The following PCSK5 variants were observed in gnomAD, a reference collection of about 807,000 sequenced individuals.
PCSK5 encodes the protein prohormone convertase 5.
PCSK5 carries 129 observed loss-of-function variants against 233.2 expected under a neutral mutation model. The ratio of observed to expected loss-of-function variants is 0.55; its 90% CI spans 0.48 to 0.64. The LOEUF is 0.64. PCSK5 is among the 30% of genes least tolerant of loss of function. The probability of loss-of-function intolerance (pLI) is 0.00; values close to 1 mark genes in which losing one functional copy is unlikely to be tolerated. For synonymous variants in PCSK5, 825 were observed against 879.2 expected (o/e 0.94, Z 1.09); for missense variants, 2,076 against 2,430.1 (o/e 0.85, Z 3.06).
At chr9:76,153,826 T>C (rs377464105) in intron 10 of PCSK5, among the ~76,000 whole-genome samples, 1 of 152,194 alleles carries the variant, frequency 6.6e-6, no homozygotes, top group Non-Finnish European at 1.5e-5. Context: ...TTCACAAATA[T>C]TTATGAAAGC....
At chr9:76,212,366 G>T (rs1356429437) in intron 20 of PCSK5, among the ~76,000 whole-genome samples, 1 of 152,208 alleles carries the variant, frequency 6.6e-6, no homozygotes, top group Non-Finnish European at 1.5e-5. Context: ...TATAGCAGGA[G>T]AGATAACAAG....
intron 2 of PCSK5, among the ~76,000 whole-genome samples, chr9:75,983,397 A>ATAAC (rs1342442383): frequency 6.6e-6 from 1 of 152,188 alleles, no homozygotes; most frequent in Non-Finnish European, 1.5e-5. Context: ...CAGGCTTCCC[A>ATAAC]TAACTGTCAA....
intron 1 of PCSK5, among the ~76,000 whole-genome samples, chr9:75,908,941 G>GTCTATCTA (rs58082978): frequency 0.052 from 6,053 of 116,388 alleles, 179 homozygotes; most frequent in Middle Eastern, 0.073. Flanking sequence ...CTCTCTCTCT[G>GTCTATCTA]TCTATCTATC....
intron 3 of PCSK5, among the ~76,000 whole-genome samples, chr9:75,998,668 GT>G (rs780957821): frequency 4.6e-5 from 7 of 152,112 alleles, no homozygotes; most frequent in Non-Finnish European, 7.3e-5. Context: ...TGCTTTCACT[GT>G]AAATATTATA....
At chr9:76,205,257 G>A in intron 20 of PCSK5, 1 of 518,802 alleles carries the variant, frequency 1.9e-6, no homozygotes, top group Non-Finnish European at 3.8e-6. Context: ...CTCTGTAGGT[G>A]TAAAACACGA....
At chr9:76,064,975 C>T (rs113297084) in intron 5 of PCSK5, among the ~76,000 whole-genome samples, 125 of 152,378 alleles carry the variant, frequency 8.2e-4, no homozygotes, top group Non-Finnish European at 1.5e-3. Flanking sequence ...GCATGGGCCA[C>T]TGCATCTGGC....
chr9:76,193,450 C>CCTCTCTCTTTCTTT, intron 20 of PCSK5: 1 of 868,838 alleles, frequency 1.2e-6, no homozygotes, highest in Non-Finnish European at 1.6e-6. Context: ...AAGCAAGCCA[C>CCTCTCTCTTTCTTT]CTCTCTCTTT....
At chr9:76,014,886 C>T (rs771610890) in intron 3 of PCSK5, among the ~76,000 whole-genome samples, 10 of 152,086 alleles carry the variant, frequency 6.6e-5, no homozygotes, top group Admixed American at 5.9e-4. Context: ...CTTATTTATA[C>T]CTTCATTACC....
chr9:76,150,428 G>A (rs1823623976), intron 10 of PCSK5, among the ~76,000 whole-genome samples: 1 of 152,170 alleles, frequency 6.6e-6, no homozygotes, highest in Non-Finnish European at 1.5e-5. Context: ...GAGGTCAGGA[G>A]TTCGAGACCA....
chr9:76,120,180 T>C (rs1030141512), intron 9 of PCSK5, among the ~76,000 whole-genome samples: 20 of 152,150 alleles, frequency 1.3e-4, no homozygotes, highest in African/African-American at 4.8e-4. Context: ...TGTTAAGTAA[T>C]CTATCTCCTC....
rs536918574 is a variant in PCSK5, at chr9:76,192,468, C to CATCTT, written c.2626+2725_2626+2729dup. ...ATTTTATCATCTCGGAAATCAGATG[C>CATCTT]ATCTTATAATTTGTGGCAGTTTACA... On this transcript the variant is annotated intron_variant, in intron 20 of 37. Transcript: ENST00000674117. Among the ~76,000 whole-genome samples, 69 of 152,264 alleles carry CATCTT rather than the reference C, an allele frequency of 4.5e-4. 1 individual carries two copies. The South Asian group carries it at 0.014, about 31-fold the overall frequency.
At chr9:76,273,142 T>A (rs1827577848) in intron 24 of PCSK5, among the ~76,000 whole-genome samples, 1 of 152,170 alleles carries the variant, frequency 6.6e-6, no homozygotes, top group African/African-American at 2.4e-5. Context: ...CTTTTCTGCC[T>A]TCTGTCTGTA....
In PCSK5 at chr9:76,184,815, T is replaced by C. The variant is rs911573455; in HGVS notation, c.2282+58T>C. The C allele has an allele frequency of 3.5e-5, 36 of 1,039,018 alleles. No individual in the cohort carries two copies. In the East Asian group the frequency reaches 8.1e-4, roughly 24 times the overall value. The allele number at this position is 1,039,018 out of a possible 1,614,324, so 64.4% of individuals were successfully genotyped here. On this transcript the variant is annotated intron_variant, in intron 17 of 37. Transcript: ENST00000674117. ...AGCCCAAAGAGCTTCTCAATGTAAA[T>C]AAAATGAAAAAATGATAAACAAGTA...
chr9:76,338,732 A>T (rs962619012), intron 35 of PCSK5, among the ~76,000 whole-genome samples: 2 of 152,070 alleles, frequency 1.3e-5, no homozygotes, highest in Non-Finnish European at 2.9e-5. Context: ...ACTCTACCTG[A>T]TGAGTCTGTC....
At chr9:76,354,253 G>A (rs1363493650) in intron 37 of PCSK5, 34 bp downstream of exon 37, 1 of 1,510,460 alleles carries the variant, frequency 6.6e-7, no homozygotes, top group Admixed American at 2.1e-5. Context: ...TGCAGAGGAA[G>A]GGCATGTCCT....
At chr9:76,297,007 A>G in intron 27 of PCSK5, 142 bp downstream of exon 27, 1 of 632,610 alleles carries the variant, frequency 1.6e-6, no homozygotes. Context: ...TCAAGTTGGG[A>G]TCGTTCCTGA....
At chr9:75,920,607 C>G (rs974341761) in intron 1 of PCSK5, among the ~76,000 whole-genome samples, 1 of 152,030 alleles carries the variant, frequency 6.6e-6, no homozygotes, top group African/African-American at 2.4e-5. Context: ...GAGTTCGAGA[C>G]CAGCCTGGGC....
At chr9:76,029,782 G>GA (rs751078991) in intron 5 of PCSK5, among the ~76,000 whole-genome samples, 1 of 152,300 alleles carries the variant, frequency 6.6e-6, no homozygotes, top group Non-Finnish European at 1.5e-5. Flanking sequence ...GAACCCTGTA[G>GA]AGGAGGTACG....
At chr9:76,275,686 A>G (rs12379028) in intron 24 of PCSK5, among the ~76,000 whole-genome samples, 19,224 of 152,172 alleles carry the variant, frequency 0.13, 1,524 homozygotes, top group Non-Finnish European at 0.18. Flanking sequence ...CGGCCTCCCA[A>G]AATGTTGGGA....
Sources: gnomAD v4.1 joint callset for allele counts (sites outside exome capture counted in the v4.1 genomes callset) on GRCh38, gnomAD v4.1.1 for gene constraint, MANE v1.5 for transcripts, NCBI Gene and HGNC (gene_info 2026-07-23, HGNC 2026-07-21) for gene names.